Variants in CHRM3 observed in about 807,000 individuals in gnomAD.
CHRM3 encodes muscarinic acetylcholine receptor M3.
CHRM3 carries 11 observed loss-of-function variants against 41.8 expected under a neutral mutation model. The ratio of observed to expected loss-of-function variants is 0.26; its 90% CI spans 0.17 to 0.44. The LOEUF is 0.44. Among genes scored for constraint, CHRM3 ranks in the 20% least tolerant of loss-of-function variants. CHRM3 has a pLI of 1.00. For missense variants in CHRM3, 571 were observed against 745.4 expected, an observed-to-expected ratio of 0.77 and a Z score of 2.72; for synonymous variants, 297 against 301.4, an observed-to-expected ratio of 0.99 and a Z score of 0.15.
At position 239,635,930 on chromosome 1, in the gene CHRM3, C is replaced by G. The variant is rs148677994; in HGVS notation, c.-250+3644C>G. ...ATTCTTATAGATGTCCCCAACGTGT[C>G]TTTTGCTTAGATGGGAAGAAAAAGA... On this transcript the variant is annotated intron_variant, in intron 4 of 6. Coordinates refer to ENST00000676153, the MANE Select transcript of CHRM3 (RefSeq NM_001375978.1). 4.6e-5 allele frequency among the ~76,000 whole-genome samples: 7 copies of G among 152,118 alleles called. No homozygotes were observed. The East Asian group carries it at 1.4e-3, about 29-fold the overall frequency.
chr1:239,629,160 T>A (rs1327955371), intron 3 of CHRM3: 4 of 143,310 alleles, frequency 2.8e-5, no homozygotes, highest in Non-Finnish European at 6.1e-5. Context: ...CGAGACTCCG[T>A]GGGCGTAGGA....
At chr1:239,762,254 G>A (rs770203455) in intron 5 of CHRM3, among the ~76,000 whole-genome samples, 22 of 152,090 alleles carry the variant, frequency 1.4e-4, no homozygotes, top group African/African-American at 2.4e-4. Context: ...TCTTCTTCCC[G>A]AGAGAATTGA....
At chr1:239,679,301 C>T (rs956662742) in intron 5 of CHRM3, among the ~76,000 whole-genome samples, 5 of 152,170 alleles carry the variant, frequency 3.3e-5, no homozygotes, top group African/African-American at 1.2e-4. Flanking sequence ...CCTCTGCCTC[C>T]TCCCCTGCCC....
intron 6 of CHRM3, among the ~76,000 whole-genome samples, chr1:239,830,531 G>A (rs1040253372): frequency 6.6e-6 from 1 of 152,034 alleles, no homozygotes; most frequent in Admixed American, 6.6e-5. Flanking sequence ...GTGAAACCCC[G>A]TCTCTATTAA....
At position 239,662,671 on chromosome 1, in the gene CHRM3, C is replaced by T. The variant is rs114790711; in HGVS notation, c.-249-15515C>T. 3.8e-3 allele frequency among the ~76,000 whole-genome samples: 571 copies of T among 152,034 alleles called. 4 individuals are homozygous for T. The highest frequency in any genetic ancestry group is 8.6e-3 in the African/African-American group (356 of 41,454). On this transcript the variant is annotated intron_variant, in intron 4 of 6. Coordinates refer to ENST00000676153, the MANE Select transcript of CHRM3 (RefSeq NM_001375978.1). ...ACAAGTATCTAGTAACTTGACAGAC[C>T]CAAGTTAATAGTTTTCTGCAATGGA...
At chr1:239,542,767 T>G (rs1428756444) in intron 2 of CHRM3, among the ~76,000 whole-genome samples, 1 of 152,224 alleles carries the variant, frequency 6.6e-6, no homozygotes, top group Non-Finnish European at 1.5e-5. Context: ...TATTTGGGCT[T>G]AATTAACTTC....
intron 1 of CHRM3, among the ~76,000 whole-genome samples, chr1:239,400,985 T>A (rs775897336): frequency 1.2e-4 from 19 of 152,174 alleles, no homozygotes; most frequent in Admixed American, 2.0e-4. Flanking sequence ...ATGTTGCCTT[T>A]TATATAAAAT....
At chr1:239,431,298 T>G (rs1355760487) in intron 1 of CHRM3, among the ~76,000 whole-genome samples, 1 of 152,152 alleles carries the variant, frequency 6.6e-6, no homozygotes, top group Non-Finnish European at 1.5e-5. Flanking sequence ...GTTCTAGTAA[T>G]CCTCCACAGA....
chr1:239,410,636 C>T (rs1014772684), intron 1 of CHRM3, among the ~76,000 whole-genome samples: 1 of 152,158 alleles, frequency 6.6e-6, no homozygotes, highest in Non-Finnish European at 1.5e-5. Context: ...GTATGGATTC[C>T]TCTCTGGAGG....
intron 6 of CHRM3, among the ~76,000 whole-genome samples, chr1:239,888,669 C>G (rs1287582831): frequency 2.6e-5 from 4 of 151,682 alleles, no homozygotes; most frequent in African/African-American, 9.7e-5. Context: ...TGCATCAATT[C>G]TGATGCAATT....
intron 5 of CHRM3, among the ~76,000 whole-genome samples, chr1:239,790,669 G>A (rs562107518): frequency 6.6e-6 from 1 of 152,288 alleles, no homozygotes; most frequent in South Asian, 2.1e-4. Flanking sequence ...CCCCTGTCTA[G>A]CCTGGCAATT....
At chr1:239,439,965 T>C (rs528693901) in intron 1 of CHRM3, among the ~76,000 whole-genome samples, 18 of 152,008 alleles carry the variant, frequency 1.2e-4, no homozygotes, top group African/African-American at 3.9e-4. Context: ...TTTGGGAGGC[T>C]GAGGCAGGCG....
chr1:239,408,505 CAGAG>C (rs1392170513), intron 1 of CHRM3, among the ~76,000 whole-genome samples: 1 of 116,726 alleles, frequency 8.6e-6, no homozygotes, highest in African/African-American at 3.4e-5. Context: ...GCCTGGGCAA[CAGAG>C]AGAGACTCCG....
intron 5 of CHRM3, among the ~76,000 whole-genome samples, chr1:239,819,098 T>C (rs1671828312): frequency 6.6e-6 from 1 of 152,194 alleles, no homozygotes; most frequent in South Asian, 2.1e-4. Flanking sequence ...TCCTCTCAAC[T>C]TTCTGCCACT....
intron 5 of CHRM3, among the ~76,000 whole-genome samples, chr1:239,821,561 A>G (rs1572401037): frequency 1.3e-5 from 2 of 152,146 alleles, no homozygotes; most frequent in Admixed American, 1.3e-4. Context: ...CAGGGGCCCC[A>G]GGGGCACCAG....
chr1:239,870,105 G>A (rs1478112949), intron 6 of CHRM3, among the ~76,000 whole-genome samples: 1 of 152,160 alleles, frequency 6.6e-6, no homozygotes, highest in Non-Finnish European at 1.5e-5. Flanking sequence ...CATTCTTTGA[G>A]GTGCCCCTGG....
At chr1:239,714,028 A>G (rs1662087151) in intron 5 of CHRM3, 1 of 152,190 alleles carries the variant, frequency 6.6e-6, no homozygotes, top group Non-Finnish European at 1.5e-5. Flanking sequence ...TGCTTACAAA[A>G]TTAGAAGATG....
chr1:239,489,243 C>A (rs964849414), intron 1 of CHRM3, among the ~76,000 whole-genome samples: 1 of 152,018 alleles, frequency 6.6e-6, no homozygotes, highest in Non-Finnish European at 1.5e-5. Flanking sequence ...GAAACCCTGT[C>A]GCTACTAAAA....
At chr1:239,904,327 G>A (rs998458215) in intron 6 of CHRM3, among the ~76,000 whole-genome samples, 1 of 152,298 alleles carries the variant, frequency 6.6e-6, no homozygotes, top group Non-Finnish European at 1.5e-5. Context: ...ACTTATCGGC[G>A]TATGGGGCCG....
Sources: allele counts gnomAD v4.1 joint callset (sites outside exome capture counted in the v4.1 genomes callset), GRCh38; gene constraint gnomAD v4.1.1; transcripts MANE v1.5; gene names NCBI Gene and HGNC (gene_info 2026-07-23, HGNC 2026-07-21).